NAALADL2: variants seen among roughly 807,000 people sequenced by gnomAD.
The protein encoded by NAALADL2 is inactive N-acetylated-alpha-linked acidic dipeptidase-like protein 2.
Under a neutral mutation model 87.2 loss-of-function variants are expected in NAALADL2, and 76 were observed. That is an observed-to-expected ratio of 0.87 (90% CI 0.72 to 1.05). The LOEUF (loss-of-function observed/expected upper bound fraction) is 1.05, where lower values mean the gene tolerates loss of function less well. Among genes scored for constraint, NAALADL2 ranks in the 50% least tolerant of loss-of-function variants. The pLI is 0.00. For missense variants in NAALADL2, 1,089 were observed against 945.8 expected (o/e 1.15, Z -1.99); for synonymous variants, 354 against 331.0 (o/e 1.07, Z -0.75).
intron 9 of NAALADL2, among the ~76,000 whole-genome samples, chr3:175,482,185 G>C (rs1478518039): frequency 2.0e-5 from 3 of 151,912 alleles, no homozygotes; most frequent in Admixed American, 2.0e-4. Flanking sequence ...GAATGTTAAA[G>C]TAATCATTAG....
chr3:174,708,021 ATACAAAAAAAATC>A (rs1231499026), intron 2 of NAALADL2, among the ~76,000 whole-genome samples: 1 of 152,036 alleles, frequency 6.6e-6, no homozygotes, highest in African/African-American at 2.4e-5. Flanking sequence ...TTTTACTTCA[ATACAAAAAAAATC>A]TCTAGCTTAA....
chr3:174,989,800 C>T (rs185531254), intron 1 of NAALADL2, among the ~76,000 whole-genome samples: 1 of 152,198 alleles, frequency 6.6e-6, no homozygotes, highest in African/African-American at 2.4e-5. Flanking sequence ...TCATTAATTG[C>T]ATATGGATAT....
intron 11 of NAALADL2, among the ~76,000 whole-genome samples, chr3:175,711,263 T>C (rs1009181217): frequency 2.6e-5 from 4 of 151,886 alleles, no homozygotes; most frequent in Non-Finnish European, 4.4e-5. Flanking sequence ...AGATGAGGTA[T>C]GATTAGAAAA....
At chr3:175,268,536 A>C (rs890735790) in intron 4 of NAALADL2, among the ~76,000 whole-genome samples, 11 of 152,012 alleles carry the variant, frequency 7.2e-5, no homozygotes, top group African/African-American at 2.7e-4. Context: ...TTTAATAATA[A>C]ATTAATCTTA....
At chr3:175,051,520 C>G (rs1421345097) in intron 1 of NAALADL2, among the ~76,000 whole-genome samples, 1 of 152,152 alleles carries the variant, frequency 6.6e-6, no homozygotes, top group African/African-American at 2.4e-5. Flanking sequence ...GTCCCCTGTT[C>G]CATAGCTTCT....
chr3:175,508,589 T>C (rs1730679761), intron 9 of NAALADL2, among the ~76,000 whole-genome samples: 1 of 152,154 alleles, frequency 6.6e-6, no homozygotes, highest in Non-Finnish European at 1.5e-5. Context: ...GTTCTCAACG[T>C]AATTGTTTTT....
chr3:174,871,195 T>A (rs1727778183), intron 1 of NAALADL2, among the ~76,000 whole-genome samples: 1 of 152,210 alleles, frequency 6.6e-6, no homozygotes, highest in Non-Finnish European at 1.5e-5. Flanking sequence ...ACTTTGCTGA[T>A]GCAAATGATA....
intron 10 of NAALADL2, among the ~76,000 whole-genome samples, chr3:175,604,298 A>ATTTTT (rs33971019): frequency 4.8e-5 from 4 of 83,542 alleles, no homozygotes; most frequent in African/African-American, 8.7e-5. Context: ...TGACATTGAA[A>ATTTTT]TTTTTTTTTT....
chr3:175,311,003 G>T (rs9838649), intron 4 of NAALADL2, among the ~76,000 whole-genome samples: 2 of 151,562 alleles, frequency 1.3e-5, no homozygotes, highest in Admixed American at 6.6e-5. Flanking sequence ...TGTTTCCCCC[G>T]CAATATTGGC....
At chr3:174,819,814 C>A (rs115791428) in intron 3 of NAALADL2, among the ~76,000 whole-genome samples, 1,605 of 152,238 alleles carry the variant, frequency 0.011, 31 homozygotes, top group African/African-American at 0.037. Flanking sequence ...ATAAAGCTTA[C>A]GCTTCAAGAC....
At chr3:175,623,258 A>T (rs888901667) in intron 10 of NAALADL2, among the ~76,000 whole-genome samples, 1 of 148,230 alleles carries the variant, frequency 6.7e-6, no homozygotes, top group Non-Finnish European at 1.5e-5. Flanking sequence ...TAGCTAACCC[A>T]TAACTATTTA....
At chr3:175,058,159 A>G (rs1201242488) in intron 1 of NAALADL2, among the ~76,000 whole-genome samples, 1 of 152,182 alleles carries the variant, frequency 6.6e-6, no homozygotes, top group Non-Finnish European at 1.5e-5. Flanking sequence ...ACTGTTGTGT[A>G]AACAATTTTC....
chr3:175,403,382 G>GT (rs1246309207), intron 5 of NAALADL2, among the ~76,000 whole-genome samples: 1 of 151,910 alleles, frequency 6.6e-6, no homozygotes, highest in African/African-American at 2.4e-5. Flanking sequence ...CTTTTATTTG[G>GT]TTGCTACAAA....
At chr3:175,505,264 G>A (rs1341028679) in intron 9 of NAALADL2, among the ~76,000 whole-genome samples, 14 of 115,554 alleles carry the variant, frequency 1.2e-4, no homozygotes, top group Admixed American at 2.5e-4. Context: ...ACCCTGTCTC[G>A]AGAAAAAAAA....
At chr3:175,756,374 ATATGTT>A (rs1481901786) in intron 13 of NAALADL2, among the ~76,000 whole-genome samples, 1 of 152,182 alleles carries the variant, frequency 6.6e-6, no homozygotes, top group Non-Finnish European at 1.5e-5. Context: ...ACTTGCATTC[ATATGTT>A]TATCACAGGA....
chr3:175,524,503 G>A (rs1311839388), intron 9 of NAALADL2, among the ~76,000 whole-genome samples: 1 of 152,018 alleles, frequency 6.6e-6, no homozygotes, highest in African/African-American at 2.4e-5. Context: ...GTGGTTCATA[G>A]GACTTAACAC....
chr3:175,460,008 C>A, intron 6 of NAALADL2: 1 of 319,698 alleles, frequency 3.1e-6, no homozygotes, highest in Non-Finnish European at 6.2e-6. Flanking sequence ...TTCCCTGTTT[C>A]ACATGTTTAT....
chr3:175,152,181 C>T (rs990759168), intron 2 of NAALADL2, among the ~76,000 whole-genome samples: 64 of 151,952 alleles, frequency 4.2e-4, no homozygotes, highest in Non-Finnish European at 2.9e-4. Flanking sequence ...AAATTTGGCA[C>T]AATAATGTAA....
chr3:174,607,637 C>T (rs887588412), intron 2 of NAALADL2, among the ~76,000 whole-genome samples: 2 of 151,938 alleles, frequency 1.3e-5, no homozygotes, highest in Non-Finnish European at 2.9e-5. Context: ...TATATATGCA[C>T]CCAATACAGG....
Sources: allele counts gnomAD v4.1 joint callset (sites outside exome capture counted in the v4.1 genomes callset), GRCh38; gene constraint gnomAD v4.1.1; transcripts MANE v1.5; gene names NCBI Gene and HGNC (gene_info 2026-07-23, HGNC 2026-07-21).